The following USP32 variants were observed in gnomAD, a reference collection of about 807,000 sequenced individuals.
The protein encoded by USP32 is ubiquitin carboxyl-terminal hydrolase 32.
A neutral mutation model predicts 204.8 loss-of-function variants in USP32; 59 were observed. That is an observed-to-expected ratio of 0.29 (90% CI 0.23 to 0.36). The LOEUF is 0.36. Among genes scored for constraint, USP32 ranks in the 10% least tolerant of loss-of-function variants. The probability of loss-of-function intolerance (pLI) is 1.00; values close to 1 mark genes in which losing one functional copy is unlikely to be tolerated. For synonymous variants in USP32, 517 were observed against 678.4 expected (o/e 0.76, Z 3.70); for missense variants, 1,160 against 1,946.4 (o/e 0.60, Z 7.60).
At chr17:60,419,856 TA>T (rs1200156993) in intron 1 of USP32, among the ~76,000 whole-genome samples, 396 of 142,368 alleles carry the variant, frequency 2.8e-3, no homozygotes, top group Middle Eastern at 7.4e-3. Context: ...TTATTATTAT[TA>T]TTATTTTATT....
chr17:60,244,816 G>A (rs1398959129), intron 11 of USP32, among the ~76,000 whole-genome samples: 1 of 152,178 alleles, frequency 6.6e-6, no homozygotes. Flanking sequence ...ACTTTGAGTA[G>A]AGACGAGGTT....
chr17:60,309,641 A>C (rs186347477), intron 2 of USP32, among the ~76,000 whole-genome samples: 6 of 152,320 alleles, frequency 3.9e-5, no homozygotes, highest in Non-Finnish European at 7.4e-5. Context: ...GAAATCTTCA[A>C]AAGAAGACAT....
intron 5 of USP32, among the ~76,000 whole-genome samples, chr17:60,282,921 A>G (rs1284087831): frequency 6.6e-6 from 1 of 152,244 alleles, no homozygotes; most frequent in Non-Finnish European, 1.5e-5. Context: ...TCAAAGGAAT[A>G]GGACCTGAGC....
intron 2 of USP32, among the ~76,000 whole-genome samples, chr17:60,332,648 T>TA (rs1004821837): frequency 2.0e-5 from 3 of 151,320 alleles, no homozygotes; most frequent in East Asian, 1.9e-4. Flanking sequence ...AACTCTGTCT[T>TA]AAAAAAAAAG....
intron 5 of USP32, among the ~76,000 whole-genome samples, chr17:60,282,223 C>G (rs2086985116): frequency 6.6e-6 from 1 of 152,114 alleles, no homozygotes; most frequent in Non-Finnish European, 1.5e-5. Context: ...AAACTGAATG[C>G]TAATCAATGT....
chr17:60,382,032 T>G (rs1318870864), intron 1 of USP32, among the ~76,000 whole-genome samples: 1 of 152,246 alleles, frequency 6.6e-6, no homozygotes, highest in Non-Finnish European at 1.5e-5. Flanking sequence ...TTTATGCATC[T>G]TCTCTGTGAA....
intron 1 of USP32, among the ~76,000 whole-genome samples, chr17:60,401,286 C>T (rs1408040900): frequency 6.6e-6 from 1 of 152,056 alleles, no homozygotes; most frequent in Non-Finnish European, 1.5e-5. Flanking sequence ...AGGAGAATAG[C>T]GTGAACCAGG....
intron 1 of USP32, among the ~76,000 whole-genome samples, chr17:60,374,083 C>T (rs1319100200): frequency 6.6e-6 from 1 of 151,924 alleles, no homozygotes; most frequent in East Asian, 1.9e-4. Flanking sequence ...ATTTGGGAGG[C>T]TGAGGCAAGA....
In USP32 at chr17:60,241,894, C is replaced by T. The variant is rs544182256; in HGVS notation, c.1137-5654G>A. Among the ~76,000 whole-genome samples the T allele has an allele frequency of 9.2e-5, 14 of 152,094 alleles. No individual in the cohort carries two copies. In the South Asian group the frequency reaches 2.5e-3, roughly 27 times the overall value. ...TTTTTTCTAAGTCTTACACTTTTTT[C>T]CCCACTTATAAACTGTGCTTTTGGT... On this transcript the variant is annotated intron_variant, in intron 11 of 33. Coordinates refer to ENST00000300896, the MANE Select transcript of USP32 (RefSeq NM_032582.4).
At chr17:60,256,365 A>G (rs1281343847) in intron 9 of USP32, among the ~76,000 whole-genome samples, 4 of 152,214 alleles carry the variant, frequency 2.6e-5, no homozygotes, top group Non-Finnish European at 5.9e-5. Context: ...AATCTTTCTT[A>G]TCATGATCAC....
At chr17:60,392,311 C>T (rs948177112), upstream of USP32, 8 of 335,304 alleles carry the variant, frequency 2.4e-5, no homozygotes, top group East Asian at 4.0e-4. Flanking sequence ...CGCCCAGGGC[C>T]GCACGCTCCG....
In USP32 at chr17:60,373,613, C is replaced by G. The variant is rs540176733; in HGVS notation, c.58+18269G>C. ...TACAGGCGTGCACCACCACAACCGG[C>G]TAATTTTTGTATATTTTAGGAGAGA... On this transcript the variant is annotated intron_variant, in intron 1 of 33. Transcript: ENST00000300896. Among the ~76,000 whole-genome samples the G allele has an allele frequency of 2.6e-5, 4 of 151,960 alleles. No homozygotes were observed. In the South Asian group the frequency reaches 8.3e-4, roughly 32 times the overall value.
At chr17:60,328,211 G>T (rs565114788) in intron 2 of USP32, among the ~76,000 whole-genome samples, 1 of 152,308 alleles carries the variant, frequency 6.6e-6, no homozygotes, top group East Asian at 1.9e-4. Flanking sequence ...CCTCCCCTCT[G>T]AGGCCCATAA....
rs557528288 is a variant in USP32 at position 60,301,835 on chromosome 17, T to C, written c.187-131A>G. The stretch of plus-strand genomic sequence containing the variant: ...CTGGTAAATTTTAGTGAAATCATGT[T>C]AAGTTTCTCCCTCTTCTTCCTCTTT... On this transcript the variant is annotated intron_variant, in intron 2 of 33. Coordinates refer to ENST00000300896, the MANE Select transcript of USP32 (RefSeq NM_032582.4). 1.5e-3 allele frequency: 955 copies of C among 649,592 alleles called. 11 individuals carry two copies. The highest frequency in any genetic ancestry group is 0.015 in the Middle Eastern group (57 of 3,886). 40.2% of individuals were successfully genotyped at this position (649,592 alleles called of 1,614,324 possible).
Position 60,218,626 on chromosome 17 carries a change from C to T in USP32, c.1867+1044G>A, listed in dbSNP as rs1431659492. ...TGATTATTAATATTATTTTTTGAGA[C>T]AGAGTCTCACTCCGTCACCCAGGCT... On this transcript the variant is annotated intron_variant, in intron 16 of 33. Coordinates refer to ENST00000300896, the MANE Select transcript of USP32 (RefSeq NM_032582.4). Among the ~76,000 whole-genome samples the T allele has an allele frequency of 1.4e-4, 22 of 151,980 alleles. No individual in the cohort carries two copies. The East Asian group carries it at 4.1e-3, about 28-fold the overall frequency.
At chr17:60,376,789 T>A (rs945081629) in intron 1 of USP32, among the ~76,000 whole-genome samples, 63 of 152,058 alleles carry the variant, frequency 4.1e-4, no homozygotes, top group African/African-American at 1.4e-3. Context: ...CCCAAAGTGC[T>A]GGGATTACAG....
chr17:60,406,459 G>A (rs1183699889), intron 1 of USP32, among the ~76,000 whole-genome samples: 1 of 151,992 alleles, frequency 6.6e-6, no homozygotes, highest in East Asian at 1.9e-4. Flanking sequence ...GATCACAGGC[G>A]TGTGCCACTG....
In USP32 at chr17:60,214,447, G is replaced by A. The variant is rs2085050978; in HGVS notation, c.2022+173C>T. On this transcript the variant is annotated intron_variant, in intron 17 of 33. Coordinates refer to ENST00000300896, the MANE Select transcript of USP32 (RefSeq NM_032582.4). ...ATGGCTTTTAGCATAATTATTATAGGTAAAATCCCATACTCATGAAATATG... is the reference window on the plus strand; with the variant it reads ...ATGGCTTTTAGCATAATTATTATAGATAAAATCCCATACTCATGAAATATG... Among the ~76,000 whole-genome samples the A allele has an allele frequency of 2.0e-5, 3 of 151,238 alleles. No homozygotes were observed. In the South Asian group the frequency reaches 6.2e-4, roughly 31 times the overall value.
chr17:60,241,625 T>C (rs180695881), intron 11 of USP32, among the ~76,000 whole-genome samples: 2 of 152,246 alleles, frequency 1.3e-5, no homozygotes, highest in Non-Finnish European at 1.5e-5. Flanking sequence ...TGCTTTTAAT[T>C]TGCCTTCTCT....
Sources: allele counts gnomAD v4.1 joint callset (sites outside exome capture counted in the v4.1 genomes callset), GRCh38; gene constraint gnomAD v4.1.1; transcripts MANE v1.5; gene names NCBI Gene and HGNC (gene_info 2026-07-23, HGNC 2026-07-21).